The following EYS variants were observed in gnomAD, a reference collection of about 807,000 sequenced individuals.
EYS encodes protein eyes shut homolog.
A neutral mutation model predicts 282.1 loss-of-function variants in EYS; 250 were observed. That is an observed-to-expected ratio of 0.89 (90% confidence interval 0.80 to 0.98). EYS has a LOEUF of 0.98. EYS is among the 50% of genes least tolerant of loss of function. The pLI is 0.00. For synonymous variants in EYS, 1,355 were observed against 1,282.9 expected (o/e 1.06, Z -1.20); for missense variants, 4,016 against 3,709.0 (o/e 1.08, Z -2.15).
intron 35 of EYS, among the ~76,000 whole-genome samples, chr6:63,895,874 A>G (rs1207952344): frequency 6.9e-6 from 1 of 145,312 alleles, no homozygotes; most frequent in African/African-American, 2.6e-5. Flanking sequence ...TTATGTGGAC[A>G]ATTCTTATTT....
At chr6:65,505,671 C>T (rs1160117566) in intron 2 of EYS, among the ~76,000 whole-genome samples, 2 of 152,128 alleles carry the variant, frequency 1.3e-5, no homozygotes, top group African/African-American at 4.8e-5. Flanking sequence ...TCAAAGTACA[C>T]TGTTAAATTT....
At chr6:64,037,575 A>C (rs1379233537) in intron 33 of EYS, among the ~76,000 whole-genome samples, 1 of 152,214 alleles carries the variant, frequency 6.6e-6, no homozygotes, top group African/African-American at 2.4e-5. Flanking sequence ...GAAATATGAT[A>C]GATTTCCCAA....
At chr6:64,685,067 G>T (rs1230161997) in intron 22 of EYS, among the ~76,000 whole-genome samples, 1 of 151,728 alleles carries the variant, frequency 6.6e-6, no homozygotes, top group African/African-American at 2.4e-5. Context: ...TGAAAGCAAA[G>T]GTAAAAGATG....
intron 2 of EYS, among the ~76,000 whole-genome samples, chr6:65,517,702 T>G (rs888199050): frequency 6.6e-6 from 1 of 151,998 alleles, no homozygotes; most frequent in African/African-American, 2.4e-5. Flanking sequence ...AGTATGAAAC[T>G]ACAGTTTAAT....
At chr6:65,339,647 A>C (rs1235810910) in intron 10 of EYS, among the ~76,000 whole-genome samples, 1 of 151,164 alleles carries the variant, frequency 6.6e-6, no homozygotes, top group East Asian at 2.0e-4. Context: ...AAGAGGGAAG[A>C]CTGTTATACT....
At chr6:65,215,650 G>A (rs888490131) in intron 12 of EYS, among the ~76,000 whole-genome samples, 3 of 152,282 alleles carry the variant, frequency 2.0e-5, no homozygotes, top group East Asian at 1.9e-4. Flanking sequence ...TGGGTAAAAC[G>A]CTGTCAAACA....
chr6:64,547,866 C>G (rs1297654412), intron 26 of EYS, among the ~76,000 whole-genome samples: 1 of 152,252 alleles, frequency 6.6e-6, no homozygotes, highest in African/African-American at 2.4e-5. Flanking sequence ...AAGCCCTGCC[C>G]TGCAAGGAGG....
intron 12 of EYS, among the ~76,000 whole-genome samples, chr6:65,247,008 A>G (rs954929651): frequency 1.3e-5 from 2 of 152,160 alleles, no homozygotes; most frequent in Non-Finnish European, 2.9e-5. Flanking sequence ...GTCTCATGGA[A>G]GAACAATATA....
chr6:65,054,590 G>T (rs1178222738), intron 13 of EYS, among the ~76,000 whole-genome samples: 2 of 152,008 alleles, frequency 1.3e-5, no homozygotes, highest in Admixed American at 6.6e-5. Context: ...CCAGCTGAAA[G>T]ATGTATAAGA....
At chr6:64,204,126 G>A (rs569059842) in intron 31 of EYS, among the ~76,000 whole-genome samples, 2 of 152,232 alleles carry the variant, frequency 1.3e-5, no homozygotes, top group South Asian at 4.1e-4. Context: ...GTAATTAAAA[G>A]GGGTTAATAT....
At chr6:65,108,087 A>G (rs1365106929) in intron 12 of EYS, among the ~76,000 whole-genome samples, 1 of 152,142 alleles carries the variant, frequency 6.6e-6, no homozygotes, top group Non-Finnish European at 1.5e-5. Flanking sequence ...ATTAGCATTT[A>G]CAATGCTAGT....
intron 5 of EYS, among the ~76,000 whole-genome samples, chr6:65,486,159 C>A (rs1478308654): frequency 6.6e-6 from 1 of 152,130 alleles, no homozygotes; most frequent in Non-Finnish European, 1.5e-5. Context: ...TGTTTCAAAT[C>A]AGTCATGATA....
intron 2 of EYS, among the ~76,000 whole-genome samples, chr6:65,614,700 T>C (rs1270716684): frequency 6.6e-6 from 1 of 151,850 alleles, no homozygotes; most frequent in African/African-American, 2.4e-5. Flanking sequence ...TTGCATCAAT[T>C]ACAGCAAATA....
intron 36 of EYS, among the ~76,000 whole-genome samples, chr6:63,844,431 ACT>A (rs367992830): frequency 1.6e-3 from 248 of 152,264 alleles, no homozygotes; most frequent in African/African-American, 5.9e-3. Context: ...GAATGTCCAC[ACT>A]GTCTTCCACA....
At position 65,469,710 on chromosome 6, in the gene EYS, C is replaced by CT. The variant is rs566960219; in HGVS notation, c.862+20883dup. Among the ~76,000 whole-genome samples the CT allele has an allele frequency of 3.8e-4, 58 of 151,844 alleles. No individual in the cohort carries two copies. In the East Asian group the frequency reaches 6.8e-3, roughly 18 times the overall value. ...TAGTACTGGTGAATACCATTCAGCT[C>CT]TTTTTTTTAAGTCACAAAAAGCCAG... On this transcript the variant is annotated intron_variant, in intron 5 of 42. Transcript: ENST00000503581.
intron 29 of EYS, among the ~76,000 whole-genome samples, chr6:64,368,578 T>A (rs1353072663): frequency 6.6e-6 from 1 of 152,084 alleles, no homozygotes; most frequent in Non-Finnish European, 1.5e-5. Flanking sequence ...GCATGTTATT[T>A]TTTTACTTTT....
chr6:65,179,680 G>C (rs2150232389), intron 12 of EYS, among the ~76,000 whole-genome samples: 1 of 152,244 alleles, frequency 6.6e-6, no homozygotes, highest in East Asian at 1.9e-4. Context: ...ATTAGAAAAA[G>C]AGGGAATCCT....
chr6:63,896,654 C>G (rs550828102), intron 35 of EYS, among the ~76,000 whole-genome samples: 4 of 152,198 alleles, frequency 2.6e-5, no homozygotes, highest in African/African-American at 7.2e-5. Flanking sequence ...GACATATATG[C>G]ACCATTCATG....
chr6:64,834,127 C>T (rs972157018), intron 19 of EYS, among the ~76,000 whole-genome samples: 5 of 151,758 alleles, frequency 3.3e-5, no homozygotes, highest in African/African-American at 1.2e-4. Flanking sequence ...ACAAAGCAGA[C>T]CCAGCAGTCA....
Sources: allele counts gnomAD v4.1 joint callset (sites outside exome capture counted in the v4.1 genomes callset), GRCh38; gene constraint gnomAD v4.1.1; transcripts MANE v1.5; gene names NCBI Gene and HGNC (gene_info 2026-07-23, HGNC 2026-07-21).